Variants in C7orf78 observed in about 807,000 individuals in gnomAD.
C7orf78 encodes the protein chromosome 7 open reading frame 78.
chr7:12,524,352 G>A, the C7orf78 span, among the ~76,000 whole-genome samples: 1 of 152,064 alleles, frequency 6.6e-6, no homozygotes, highest in African/African-American at 2.4e-5. Context: ...ATAAAATTTG[G>A]AAAATACAGG....
chr7:12,503,617 T>G, the C7orf78 span, among the ~76,000 whole-genome samples: 1 of 152,102 alleles, frequency 6.6e-6, no homozygotes, highest in Non-Finnish European at 1.5e-5. Context: ...TTCTTTTTTT[T>G]TTTAATTATA....
At chr7:12,516,369 T>A in the C7orf78 span, among the ~76,000 whole-genome samples, 1 of 152,198 alleles carries the variant, frequency 6.6e-6, no homozygotes, top group Non-Finnish European at 1.5e-5. Flanking sequence ...TCAGAAGATG[T>A]GTGAAAATGC....
the C7orf78 span, among the ~76,000 whole-genome samples, chr7:12,492,367 G>A: frequency 6.6e-6 from 1 of 152,164 alleles, no homozygotes; most frequent in Admixed American, 6.5e-5. Flanking sequence ...TCTTGATTTA[G>A]TTCAAGAATT....
the C7orf78 span, among the ~76,000 whole-genome samples, chr7:12,510,472 A>C: frequency 6.6e-6 from 1 of 152,086 alleles, no homozygotes; most frequent in Non-Finnish European, 1.5e-5. Flanking sequence ...TTCTGTTTTT[A>C]CTTTTTTGAG....
At chr7:12,486,359 C>T in the C7orf78 span, among the ~76,000 whole-genome samples, 2 of 151,792 alleles carry the variant, frequency 1.3e-5, no homozygotes, top group Admixed American at 1.3e-4. Context: ...TCTCATTTTC[C>T]ACACACTATT....
At chr7:12,530,901 T>C in the C7orf78 span, 2 of 394,846 alleles carry the variant, frequency 5.1e-6, no homozygotes, top group East Asian at 3.6e-5. Context: ...GAATCTGGAA[T>C]ACAGATACAC....
At chr7:12,488,936 C>CTTTTT in the C7orf78 span, among the ~76,000 whole-genome samples, 3 of 147,496 alleles carry the variant, frequency 2.0e-5, no homozygotes, top group Non-Finnish European at 3.0e-5. Context: ...TGGTTTTTTG[C>CTTTTT]TTTGGCTAAG....
the C7orf78 span, among the ~76,000 whole-genome samples, chr7:12,534,890 G>C: frequency 6.6e-6 from 1 of 152,010 alleles, no homozygotes; most frequent in Middle Eastern, 3.4e-3. Context: ...GAAGGTTGAG[G>C]CTGCAGTGTT....
chr7:12,529,953 G>A, the C7orf78 span, among the ~76,000 whole-genome samples: 2 of 152,222 alleles, frequency 1.3e-5, no homozygotes, highest in Admixed American at 1.3e-4. Context: ...CAAATTAAGG[G>A]GTGGGTTATC....
chr7:12,502,697 T>C, the C7orf78 span, among the ~76,000 whole-genome samples: 4 of 151,922 alleles, frequency 2.6e-5, no homozygotes, highest in African/African-American at 9.7e-5. Context: ...GATCTAGAAC[T>C]GGAAATACCA....
chr7:12,511,663 C>G, the C7orf78 span, among the ~76,000 whole-genome samples: 9 of 151,938 alleles, frequency 5.9e-5, no homozygotes, highest in Non-Finnish European at 1.3e-4. Flanking sequence ...GCTTTTTTGG[C>G]TATTTCATTA....
chr7:12,515,916 AG>A, the C7orf78 span, among the ~76,000 whole-genome samples: 1 of 152,196 alleles, frequency 6.6e-6, no homozygotes, highest in Non-Finnish European at 1.5e-5. Context: ...CAGTTTTATA[AG>A]GGAAGCAGAG....
chr7:12,506,023 TA>T, the C7orf78 span: 1 of 152,888 alleles, frequency 6.5e-6, no homozygotes, highest in Non-Finnish European at 1.5e-5. Context: ...GCCTTGAATG[TA>T]TTTGCTTCAT....
the C7orf78 span, among the ~76,000 whole-genome samples, chr7:12,527,594 GTCAC>G: frequency 7.8e-6 from 1 of 128,910 alleles, no homozygotes; most frequent in Non-Finnish European, 1.6e-5. Flanking sequence ...TATGCTAAGT[GTCAC>G]TCACTTTGGT....
chr7:12,520,664 C>T, the C7orf78 span, among the ~76,000 whole-genome samples: 8 of 152,242 alleles, frequency 5.3e-5, no homozygotes, highest in South Asian at 4.1e-4. Context: ...ATCCTGGAGA[C>T]GGTTACATTT....
chr7:12,483,733 C>G, the C7orf78 span: 2 of 126,894 alleles, frequency 1.6e-5, no homozygotes, highest in Admixed American at 8.9e-5. Context: ...AAAAAATTAG[C>G]TGGTCGCGGT....
the C7orf78 span, among the ~76,000 whole-genome samples, chr7:12,512,843 C>T: frequency 1.3e-5 from 2 of 152,096 alleles, no homozygotes; most frequent in Non-Finnish European, 2.9e-5. Context: ...ATTACAGATT[C>T]CACATTACTA....
At chr7:12,498,246 C>A in the C7orf78 span, among the ~76,000 whole-genome samples, 1 of 152,062 alleles carries the variant, frequency 6.6e-6, no homozygotes, top group Non-Finnish European at 1.5e-5. Context: ...ATGACTTTGA[C>A]GAGCTGAGAG....
chr7:12,524,383 C>T, the C7orf78 span, among the ~76,000 whole-genome samples: 1 of 146,908 alleles, frequency 6.8e-6, no homozygotes, highest in Non-Finnish European at 1.5e-5. Context: ...CAATAACTCT[C>T]TTTACTTATT....
Sources: gnomAD v4.1 joint callset for allele counts (sites outside exome capture counted in the v4.1 genomes callset) on GRCh38, gnomAD v4.1.1 for gene constraint, MANE v1.5 for transcripts, NCBI Gene and HGNC (gene_info 2026-07-23, HGNC 2026-07-21) for gene names.